TNK2: variants seen among roughly 807,000 people sequenced by gnomAD.
TNK2 encodes tyrosine kinase non receptor 2.
A neutral mutation model predicts 101.8 loss-of-function variants in TNK2; 83 were observed. That is an observed-to-expected ratio of 0.82 (90% CI 0.68 to 0.98). The LOEUF (loss-of-function observed/expected upper bound fraction) is 0.98. Ranked by LOEUF, TNK2 falls within the 50% of genes least tolerant of loss-of-function variation. The probability of loss-of-function intolerance (pLI) is 0.00; values close to 1 mark genes in which losing one functional copy is unlikely to be tolerated. For synonymous variants in TNK2, 804 were observed against 633.0 expected, an observed-to-expected ratio of 1.27 and a Z score of -4.06; for missense variants, 1,665 against 1,483.2, an observed-to-expected ratio of 1.12 and a Z score of -2.01.
In TNK2 at chr3:195,882,440, C is replaced by T. The variant is rs771037725; in HGVS notation, c.610-112G>A. Reference sequence around the variant, plus strand: ...GAAGGCTTTCCAGAGCCAGGCTGCACGCACCTTCCTGGCCTGCTGTCTGGG... The same window carrying T: ...GAAGGCTTTCCAGAGCCAGGCTGCATGCACCTTCCTGGCCTGCTGTCTGGG... On this transcript the variant is annotated intron_variant, in intron 5 of 15. Transcript: ENST00000672887. This position sits in a 1 kb window ranked among gnomAD's most constrained non-coding sequence, Gnocchi z 4.2. 1.6e-4 allele frequency: 251 copies of T among 1,559,344 alleles called. No homozygotes were observed. The highest frequency in any genetic ancestry group is 2.0e-4 in the Non-Finnish European group (227 of 1,152,684).
chr3:195,886,701 T>C lies in TNK2; in HGVS notation c.234+276A>G, dbSNP rs991935019. Among the ~76,000 whole-genome samples the C allele has an allele frequency of 1.3e-5, 2 of 152,134 alleles. No homozygotes were observed. The highest frequency in any genetic ancestry group is 4.8e-5 in the African/African-American group (2 of 41,426). ...GGCTAAGTTAAGGCACACTTGTCAATGAGGTCCTGTTCCAGGCGTGCCGAG... is the reference window on the plus strand; with the variant it reads ...GGCTAAGTTAAGGCACACTTGTCAACGAGGTCCTGTTCCAGGCGTGCCGAG... On this transcript the variant is annotated intron_variant, in intron 3 of 15. Transcript: ENST00000672887. This position sits in a 1 kb window ranked among gnomAD's most constrained non-coding sequence, Gnocchi z 4.2.
chr3:195,885,404 A>G lies in TNK2; in HGVS notation c.235-371T>C. On this transcript the variant is annotated intron_variant, in intron 3 of 15. Transcript: ENST00000672887. The surrounding 1 kb of genome is among the most constrained non-coding windows in gnomAD (Gnocchi z 4.7). ...CTGCACCCGCCACCCCGCAGACTCC[A>G]GCCCTAACCCGCATCGATGGAGCCG... is the stretch of plus-strand genomic sequence containing the variant. The G allele has an allele frequency of 7.4e-7, 1 of 1,343,616 alleles. No individual in the cohort carries two copies. The allele number at this position is 1,343,616 out of a possible 1,614,324, so 83.2% of individuals were successfully genotyped here.
Position 195,882,204 on chromosome 3 carries a change from G to A in TNK2, c.734C>T (p.Ser245Phe), listed in dbSNP as rs751941326. ...CAGGTCACGGTGAATAAAGCGCTTG[G>A]ACTCCAGGTAGCCCATGCCCTCAGC... ...QVAEGMGYLE[S>F]KRFIHRDLAA... The change falls in exon 6 of 16, where the codon TCC becomes TTC. Residue 245 changes from serine to phenylalanine, a missense_variant. Around this residue, in one of 3 missense-constraint regions of TNK2, gnomAD observed 490 missense variants for 522.5 expected, o/e 0.94. Coordinates refer to ENST00000672887, the MANE Select transcript of TNK2 (RefSeq NM_001382273.1). This position sits in a 1 kb window ranked among gnomAD's most constrained non-coding sequence, Gnocchi z 4.2. The A allele has an allele frequency of 4.3e-6, 7 of 1,613,916 alleles. No homozygotes were observed. The highest frequency in any genetic ancestry group is 5.1e-6 in the Non-Finnish European group (6 of 1,180,036).
Position 195,878,632 on chromosome 3 carries a change from C to A in TNK2, c.1015-40G>T. 1 of 1,594,846 alleles carries A rather than the reference C, an allele frequency of 6.3e-7. No individual in the cohort carries two copies. The highest frequency in any genetic ancestry group is 8.6e-7 in the Non-Finnish European group (1 of 1,168,478). On this transcript the variant is annotated intron_variant, in intron 7 of 15. Transcript: ENST00000672887. The surrounding 1 kb of genome is among the most constrained non-coding windows in gnomAD (Gnocchi z 4.7). ...GTGCAGAGTTTGACGACAAACAGAGCGCCCAGCCCTTCACTTCCCGCCTTC... is the reference window on the plus strand; with the variant it reads ...GTGCAGAGTTTGACGACAAACAGAGAGCCCAGCCCTTCACTTCCCGCCTTC...
intron 10 of TNK2, among the ~76,000 whole-genome samples, chr3:195,871,541 T>C (rs974276280): frequency 6.6e-6 from 1 of 151,916 alleles, no homozygotes; most frequent in African/African-American, 2.4e-5. Flanking sequence ...GGTCACAGGG[T>C]CACAGGGGGC....
chr3:195,898,832 C>A (rs551158749), intron 1 of TNK2, among the ~76,000 whole-genome samples: 1 of 152,114 alleles, frequency 6.6e-6, no homozygotes, highest in African/African-American at 2.4e-5. Context: ...CGGTGGCTCA[C>A]GTCTGTAATC....
chr3:195,876,738 G>A lies in TNK2; in HGVS notation c.1256+1515C>T, dbSNP rs376145394. 7.0e-4 allele frequency: 305 copies of A among 433,316 alleles called. 4 individuals are homozygous for A. The East Asian group carries it at 0.018, about 25-fold the overall frequency. 26.8% of individuals were successfully genotyped at this position (433,316 alleles called of 1,614,324 possible). A position where few individuals can be genotyped will look rare whatever the true frequency, so the allele number is the denominator to read the frequency against. On this transcript the variant is annotated intron_variant, in intron 9 of 15. Transcript: ENST00000672887. ...AGGGAACCAGCGGCTGGGGCCAACGGGGGCCTTCGACGGAAGGGCGGGGCG... is the reference window on the plus strand; with the variant it reads ...AGGGAACCAGCGGCTGGGGCCAACGAGGGCCTTCGACGGAAGGGCGGGGCG...
chr3:195,888,024 G>C lies in TNK2; in HGVS notation c.163+402C>G, dbSNP rs986778842. 2.6e-5 allele frequency among the ~76,000 whole-genome samples: 4 copies of C among 152,132 alleles called. No homozygotes were observed. The highest frequency in any genetic ancestry group is 1.3e-4 in the Admixed American group (2 of 15,280). On this transcript the variant is annotated intron_variant, in intron 2 of 15. Coordinates refer to ENST00000672887, the MANE Select transcript of TNK2 (RefSeq NM_001382273.1). This position sits in a 1 kb window ranked among gnomAD's most constrained non-coding sequence, Gnocchi z 5.3. ...TGTGCGTGTGAGAGAGCAAGAAAGA[G>C]AGCGTGAGCACGAATCAGCAAACCA... is the stretch of plus-strand genomic sequence containing the variant.
intron 1 of TNK2, among the ~76,000 whole-genome samples, chr3:195,903,259 C>T (rs10048932): frequency 1.4e-5 from 2 of 143,710 alleles, no homozygotes; most frequent in Non-Finnish European, 3.0e-5. Flanking sequence ...CCAGGATGGT[C>T]TCAATCTCCT....
Position 195,867,427 on chromosome 3 carries a change from C to G in TNK2, c.2871G>C (p.Arg957=), listed in dbSNP as rs1371412649. Residue 957 remains arginine (R), a synonymous_variant, in exon 13 of 16, where the codon CGG becomes CGC. Transcript: ENST00000672887. The stretch of plus-strand genomic sequence containing the variant: ...CGCCAGGGCAGCCCCTCTGTGGCAG[C>G]CGAGCAGTGGCCCTCGGGGGTGGTG... ...ARPPPPRATA[R]LPQRGCPGDG... is the part of the protein sequence containing the mutation. The G allele has an allele frequency of 6.2e-7, 1 of 1,600,600 alleles. No homozygotes were observed. Among genetic ancestry groups the G allele is most frequent in the Non-Finnish European group, 8.5e-7 (1 of 1,177,736 alleles).
At chr3:195,907,141 GTGTA>G (rs1485200135) in intron 1 of TNK2, among the ~76,000 whole-genome samples, 3 of 152,382 alleles carry the variant, frequency 2.0e-5, no homozygotes, top group Non-Finnish European at 4.4e-5. Flanking sequence ...TGAAGATTGT[GTGTA>G]TGTGTTTAAA....
chr3:195,868,444 G>T lies in TNK2; in HGVS notation c.1854C>A (p.Thr618=). Residue 618 remains threonine (T), a synonymous_variant, in exon 13 of 16, where the codon ACC becomes ACA. Coordinates refer to ENST00000672887, the MANE Select transcript of TNK2 (RefSeq NM_001382273.1). ...AMDACSLLDE[T]PPQSPTRALP... is the part of the protein sequence containing the mutation. Reference sequence around the variant, plus strand: ...GTGCCCGCGTGGGGCTCTGAGGCGGGGTCTCGTCCAGCAGGGAGCAGGCGT... The same window carrying T: ...GTGCCCGCGTGGGGCTCTGAGGCGGTGTCTCGTCCAGCAGGGAGCAGGCGT... 1 of 1,564,884 alleles carries T rather than the reference G, an allele frequency of 6.4e-7. No homozygotes were observed. Among genetic ancestry groups the T allele is most frequent in the Non-Finnish European group, 8.6e-7 (1 of 1,164,506 alleles).
chr3:195,866,924 G>A lies in TNK2; in HGVS notation c.3126C>T (p.Cys1042=). Residue 1042 remains cysteine (C), a synonymous_variant, in exon 15 of 16, where the codon TGC becomes TGT. Transcript: ENST00000672887. ...MFDWNLEQAG[C]HLLGSWGPAH... is the part of the protein sequence containing the mutation. Reference sequence around the variant, plus strand: ...CAGGGCCCCAGGAGCCCAGAAGGTGGCAGCCGGCCTGCTCCAGGTTCCAGT... The same window carrying A: ...CAGGGCCCCAGGAGCCCAGAAGGTGACAGCCGGCCTGCTCCAGGTTCCAGT... 6.2e-7 allele frequency: 1 copy of A among 1,612,150 alleles called. No individual in the cohort carries two copies. The highest frequency in any genetic ancestry group is 8.5e-7 in the Non-Finnish European group (1 of 1,179,546).
chr3:195,872,626 C>G (rs1309764394), intron 9 of TNK2, 156 bp from the exon 10 acceptor site: 7 of 728,076 alleles, frequency 9.6e-6, no homozygotes, highest in East Asian at 2.7e-5. Flanking sequence ...CAACAGCCCC[C>G]GTGACCCACC....
intron 9 of TNK2, among the ~76,000 whole-genome samples, chr3:195,875,758 G>C (rs1272470579): frequency 6.6e-6 from 1 of 152,168 alleles, no homozygotes; most frequent in African/African-American, 2.4e-5. Context: ...AGGACTTCCT[G>C]GGGGAGCAGG....
In TNK2 at chr3:195,882,928, ACT is replaced by A. The variant is rs987311208; in HGVS notation, c.609+227_609+228del. Among the ~76,000 whole-genome samples the A allele has an allele frequency of 6.6e-6, 1 of 152,088 alleles. No homozygotes were observed. The highest frequency in any genetic ancestry group is 2.4e-5 in the African/African-American group (1 of 41,410). On this transcript the variant is annotated intron_variant, in intron 5 of 15. Coordinates refer to ENST00000672887, the MANE Select transcript of TNK2 (RefSeq NM_001382273.1). This position sits in a 1 kb window ranked among gnomAD's most constrained non-coding sequence, Gnocchi z 4.2. Reference sequence around the variant, plus strand: ...GTGGCCAGCCCCTCCCATGGGAGTAACTCTCTTGACACTGAGCACCAGCAAAA... The same window carrying A: ...GTGGCCAGCCCCTCCCATGGGAGTAACTCTTGACACTGAGCACCAGCAAAA...
At chr3:195,864,924 C>G (rs3892583) in intron 15 of TNK2, among the ~76,000 whole-genome samples, 2 of 55,680 alleles carry the variant, frequency 3.6e-5, no homozygotes, top group Admixed American at 2.0e-4. Flanking sequence ...CCCGAGACAG[C>G]GACAGACAGG....
At chr3:195,903,833 G>A (rs1761471706) in intron 1 of TNK2, among the ~76,000 whole-genome samples, 2 of 152,288 alleles carry the variant, frequency 1.3e-5, no homozygotes, top group South Asian at 4.1e-4. Context: ...AGATGACACG[G>A]CGCCCTATGT....
At chr3:195,906,145 C>G (rs149853438) in intron 1 of TNK2, among the ~76,000 whole-genome samples, 7 of 152,234 alleles carry the variant, frequency 4.6e-5, no homozygotes, top group African/African-American at 1.4e-4. Context: ...ATGAGAGTGT[C>G]TAAAATTAGA....
Sources: gnomAD v4.1 joint callset for allele counts (sites outside exome capture counted in the v4.1 genomes callset) on GRCh38, gnomAD v4.1.1 for gene constraint, gnomAD v4.1.1 regional missense constraint, Gnocchi (gnomAD v3.1) non-coding constraint, MANE v1.5 for transcripts, NCBI Gene and HGNC (gene_info 2026-07-23, HGNC 2026-07-21) for gene names.